The following AGBL4 variants were observed in gnomAD, a reference collection of about 807,000 sequenced individuals.
AGBL4 encodes cytosolic carboxypeptidase 6.
AGBL4 carries 58 observed loss-of-function variants against 66.4 expected under a neutral mutation model. The observed-to-expected ratio is 0.87, with a 90% CI of 0.71 to 1.09. The LOEUF is 1.09. AGBL4 is among the 50% of genes least tolerant of loss of function. The pLI, the probability that AGBL4 is intolerant of heterozygous loss-of-function variation, is 0.00. For missense variants in AGBL4, 579 were observed against 631.0 expected, an observed-to-expected ratio of 0.92 and a Z score of 0.88; for synonymous variants, 234 against 222.9, an observed-to-expected ratio of 1.05 and a Z score of -0.44.
At chr1:49,509,527 G>T (rs914824313) in intron 3 of AGBL4, among the ~76,000 whole-genome samples, 1 of 151,874 alleles carries the variant, frequency 6.6e-6, no homozygotes, top group Admixed American at 6.6e-5. Flanking sequence ...AATGAGTAGT[G>T]AGAAATGCAG....
intron 5 of AGBL4, among the ~76,000 whole-genome samples, chr1:48,974,797 C>T (rs560481751): frequency 1.3e-5 from 2 of 152,258 alleles, no homozygotes; most frequent in South Asian, 4.2e-4. Context: ...ATTTCTGGCA[C>T]CTTGTATAAG....
chr1:48,653,197 G>C, intron 8 of AGBL4, 140 bp downstream of exon 8: 1 of 636,800 alleles, frequency 1.6e-6, no homozygotes, highest in South Asian at 2.4e-5. Flanking sequence ...AAATTCTCAA[G>C]AGCCAGGGTG....
rs1389531126 is a variant in AGBL4, at chr1:49,546,125, T to C, written c.282+151188A>G. 2.0e-5 allele frequency among the ~76,000 whole-genome samples: 3 copies of C among 152,098 alleles called. No individual in the cohort carries two copies. In the East Asian group the frequency reaches 5.8e-4, roughly 29 times the overall value. On this transcript the variant is annotated intron_variant, in intron 3 of 13. Transcript: ENST00000371839. ...CCTCCCACATGTCAGTGAGAACATA[T>C]GATGTTTGGTTTTCCATTTCTGAGT...
Position 49,643,522 on chromosome 1 carries a change from A to G in AGBL4, c.282+53791T>C, listed in dbSNP as rs557212207. Among the ~76,000 whole-genome samples, 9 of 151,822 alleles carry G rather than the reference A, an allele frequency of 5.9e-5. No individual in the cohort carries two copies. The East Asian group carries it at 1.7e-3, about 29-fold the overall frequency. ...AACCACAAAAAAAACAGAAAAAAAC[A>G]CCAAAATATATCATAAATTGCTTAA... On this transcript the variant is annotated intron_variant, in intron 3 of 13. Transcript: ENST00000371839.
intron 6 of AGBL4, among the ~76,000 whole-genome samples, chr1:48,778,135 ACATC>A (rs34372698): frequency 0.049 from 7,329 of 148,676 alleles, 172 homozygotes; most frequent in Middle Eastern, 0.096. Flanking sequence ...ATAAAAACCC[ACATC>A]CATCCATCCA....
At chr1:49,099,019 C>T (rs1009514051) in intron 4 of AGBL4, among the ~76,000 whole-genome samples, 13 of 152,170 alleles carry the variant, frequency 8.5e-5, no homozygotes, top group African/African-American at 3.1e-4. Flanking sequence ...CTTGCTAGAG[C>T]CTCCCAGAGG....
chr1:49,760,728 T>G (rs921400057), intron 2 of AGBL4, among the ~76,000 whole-genome samples: 1 of 152,122 alleles, frequency 6.6e-6, no homozygotes, highest in African/African-American at 2.4e-5. Flanking sequence ...ACAAGTATGT[T>G]TATTGCAGCA....
intron 5 of AGBL4, among the ~76,000 whole-genome samples, chr1:49,040,799 A>T (rs1008462430): frequency 2.0e-5 from 3 of 152,070 alleles, no homozygotes; most frequent in Admixed American, 6.6e-5. Flanking sequence ...TTAACAAGGG[A>T]ACTTTTTGAG....
intron 2 of AGBL4, among the ~76,000 whole-genome samples, chr1:49,707,855 T>C (rs186702991): frequency 1.4e-3 from 208 of 152,296 alleles, no homozygotes; most frequent in Middle Eastern, 6.8e-3. Flanking sequence ...AAAATTCTTT[T>C]CTTTAAGAAT....
intron 3 of AGBL4, among the ~76,000 whole-genome samples, chr1:49,603,524 C>CAAAA (rs1274669482): frequency 1.7e-5 from 2 of 115,334 alleles, no homozygotes; most frequent in Admixed American, 1.9e-4. Flanking sequence ...GACTCCATCT[C>CAAAA]AAAAAATAAA....
chr1:49,662,544 T>C (rs775928396), intron 3 of AGBL4, among the ~76,000 whole-genome samples: 6 of 152,160 alleles, frequency 3.9e-5, no homozygotes, highest in African/African-American at 1.4e-4. Context: ...CAACATGCTG[T>C]GCCACCTGAA....
intron 6 of AGBL4, among the ~76,000 whole-genome samples, chr1:48,811,384 C>G (rs1309182766): frequency 1.3e-5 from 2 of 152,178 alleles, no homozygotes; most frequent in Non-Finnish European, 2.9e-5. Context: ...CAGACTCAAG[C>G]CTTCTGAATC....
At chr1:49,534,773 C>T (rs1651437645) in intron 3 of AGBL4, among the ~76,000 whole-genome samples, 1 of 152,190 alleles carries the variant, frequency 6.6e-6, no homozygotes, top group Admixed American at 6.5e-5. Context: ...CAAGATTTGA[C>T]CTACTTTGTA....
intron 3 of AGBL4, among the ~76,000 whole-genome samples, chr1:49,639,699 T>C (rs186615401): frequency 7.3e-4 from 111 of 152,230 alleles, no homozygotes; most frequent in African/African-American, 2.6e-3. Flanking sequence ...ATTCACAGTG[T>C]AGTAGAATAA....
At chr1:49,802,908 C>T (rs1221853570) in intron 2 of AGBL4, among the ~76,000 whole-genome samples, 2 of 152,152 alleles carry the variant, frequency 1.3e-5, no homozygotes, top group Non-Finnish European at 2.9e-5. Context: ...ATAGTCATTG[C>T]CCTAGCAAAG....
chr1:49,882,364 G>A (rs1461574337), intron 1 of AGBL4, among the ~76,000 whole-genome samples: 63 of 147,176 alleles, frequency 4.3e-4, no homozygotes, highest in South Asian at 1.1e-3. Context: ...TTGACTTGGC[G>A]ATGTGGGCTC....
intron 6 of AGBL4, among the ~76,000 whole-genome samples, chr1:48,695,524 C>T (rs1646701123): frequency 1.3e-5 from 2 of 152,316 alleles, no homozygotes; most frequent in South Asian, 4.2e-4. Flanking sequence ...AAGCTGCTTT[C>T]CTTCAAATGC....
chr1:49,734,297 GAGAC>G (rs1241021656), intron 2 of AGBL4, among the ~76,000 whole-genome samples: 1 of 151,560 alleles, frequency 6.6e-6, no homozygotes, highest in Non-Finnish European at 1.5e-5. Flanking sequence ...GAGAGAGAGA[GAGAC>G]AGAGAGACAG....
At chr1:49,891,482 T>A (rs991981448) in intron 1 of AGBL4, among the ~76,000 whole-genome samples, 2 of 152,116 alleles carry the variant, frequency 1.3e-5, no homozygotes, top group Admixed American at 6.6e-5. Flanking sequence ...CAGATGTTGA[T>A]CAATAACCTA....
Sources: allele counts gnomAD v4.1 joint callset (sites outside exome capture counted in the v4.1 genomes callset), GRCh38; gene constraint gnomAD v4.1.1; transcripts MANE v1.5; gene names NCBI Gene and HGNC (gene_info 2026-07-23, HGNC 2026-07-21).